Variants in KIAA1217 observed in about 807,000 individuals in gnomAD.
The protein encoded by KIAA1217 is sickle tail protein homolog.
In KIAA1217, 88 loss-of-function variants were observed where a neutral mutation model predicts 163.9. That is an observed-to-expected ratio of 0.54 (90% confidence interval 0.45 to 0.64). The LOEUF (loss-of-function observed/expected upper bound fraction) is 0.64. Among genes scored for constraint, KIAA1217 ranks in the 30% least tolerant of loss-of-function variants. The probability of loss-of-function intolerance (pLI) is 0.00; values close to 1 mark genes in which losing one functional copy is unlikely to be tolerated. For missense variants in KIAA1217, 2,372 were observed against 2,475.0 expected (o/e 0.96, Z 0.88); for synonymous variants, 903 against 923.1 (o/e 0.98, Z 0.39).
intron 1 of KIAA1217, among the ~76,000 whole-genome samples, chr10:23,705,302 T>A (rs115443605): frequency 0.017 from 2,634 of 152,246 alleles, 58 homozygotes; most frequent in African/African-American, 0.059. Context: ...TTATCTGTTT[T>A]TTTTCTTTTG....
intron 3 of KIAA1217, among the ~76,000 whole-genome samples, chr10:24,426,048 A>G (rs1415655951): frequency 7.9e-5 from 12 of 152,220 alleles, no homozygotes; most frequent in Non-Finnish European, 1.8e-4. Flanking sequence ...GGTATTGCAG[A>G]TGGTGATCTG....
At chr10:24,262,967 A>T (rs1259492175) in intron 2 of KIAA1217, among the ~76,000 whole-genome samples, 1 of 151,670 alleles carries the variant, frequency 6.6e-6, no homozygotes, top group Non-Finnish European at 1.5e-5. Flanking sequence ...AAAAAAAGAG[A>T]AAAGTATTGT....
chr10:23,724,472 T>C (rs1564368024), intron 1 of KIAA1217, among the ~76,000 whole-genome samples: 1 of 152,234 alleles, frequency 6.6e-6, no homozygotes, highest in Non-Finnish European at 1.5e-5. Flanking sequence ...GCTTAACTTT[T>C]AAATCATGCA....
chr10:24,357,144 T>G (rs1174850742), intron 2 of KIAA1217, among the ~76,000 whole-genome samples: 3 of 152,160 alleles, frequency 2.0e-5, no homozygotes, highest in Non-Finnish European at 4.4e-5. Context: ...ATGGAAACTT[T>G]CAGGGTAGAC....
chr10:24,260,758 G>T (rs768498969), intron 2 of KIAA1217, among the ~76,000 whole-genome samples: 1 of 151,840 alleles, frequency 6.6e-6, no homozygotes, highest in Non-Finnish European at 1.5e-5. Context: ...AAAAAAAGGA[G>T]AAAGATAATT....
chr10:24,046,398 G>A (rs1020229641), intron 2 of KIAA1217, among the ~76,000 whole-genome samples: 1 of 152,156 alleles, frequency 6.6e-6, no homozygotes, highest in African/African-American at 2.4e-5. Flanking sequence ...CAGACAGAGA[G>A]TGTATTAGTC....
chr10:24,075,178 T>G (rs1174167791), intron 2 of KIAA1217, among the ~76,000 whole-genome samples: 2 of 138,016 alleles, frequency 1.4e-5, no homozygotes, highest in South Asian at 2.6e-4. Context: ...CTTCCTCACA[T>G]GCTCACTACA....
chr10:23,826,889 A>C (rs1837924226), intron 1 of KIAA1217, among the ~76,000 whole-genome samples: 1 of 152,162 alleles, frequency 6.6e-6, no homozygotes, highest in Non-Finnish European at 1.5e-5. Context: ...GTTGAGAGTC[A>C]AGTCCCCTAT....
intron 1 of KIAA1217, among the ~76,000 whole-genome samples, chr10:23,745,209 C>T (rs1470081014): frequency 3.3e-5 from 5 of 152,020 alleles, no homozygotes; most frequent in African/African-American, 9.7e-5. Flanking sequence ...TTTTCCATGT[C>T]GATGTATCCC....
chr10:23,929,136 T>C (rs1843147331), intron 1 of KIAA1217, among the ~76,000 whole-genome samples: 1 of 152,016 alleles, frequency 6.6e-6, no homozygotes, highest in Non-Finnish European at 1.5e-5. Flanking sequence ...AGATGGAATG[T>C]TTATTATTAT....
intron 1 of KIAA1217, among the ~76,000 whole-genome samples, chr10:23,862,149 A>G (rs1415747400): frequency 1.3e-5 from 2 of 152,132 alleles, no homozygotes; most frequent in Non-Finnish European, 2.9e-5. Context: ...GCAGTCTAGT[A>G]TGTTCAGTGG....
intron 2 of KIAA1217, among the ~76,000 whole-genome samples, chr10:24,149,627 G>A (rs1002490994): frequency 6.6e-6 from 1 of 152,112 alleles, no homozygotes; most frequent in Non-Finnish European, 1.5e-5. Context: ...ATGGGAGAAG[G>A]ATGAAGGGAA....
intron 1 of KIAA1217, among the ~76,000 whole-genome samples, chr10:23,709,536 G>GAA (rs549194014): frequency 7.6e-6 from 1 of 131,376 alleles, no homozygotes; most frequent in African/African-American, 2.8e-5. Context: ...CTCCAAAAAA[G>GAA]AAAAAAAAAA....
At chr10:24,143,122 A>G (rs1052687250) in intron 2 of KIAA1217, among the ~76,000 whole-genome samples, 1 of 152,156 alleles carries the variant, frequency 6.6e-6, no homozygotes, top group Non-Finnish European at 1.5e-5. Flanking sequence ...GAAATAGACA[A>G]AAGAGGAGGG....
At chr10:24,005,923 C>A (rs929255543) in intron 1 of KIAA1217, among the ~76,000 whole-genome samples, 1 of 152,124 alleles carries the variant, frequency 6.6e-6, no homozygotes, top group Non-Finnish European at 1.5e-5. Flanking sequence ...GGGACCCTAT[C>A]CTCTACTCAT....
At chr10:24,313,311 T>C (rs1046608755) in intron 2 of KIAA1217, among the ~76,000 whole-genome samples, 4 of 152,190 alleles carry the variant, frequency 2.6e-5, no homozygotes, top group Admixed American at 6.5e-5. Flanking sequence ...TGAGATTGTA[T>C]TTTTATTTGT....
chr10:24,542,431 C>A, intron 17 of KIAA1217: 1 of 1,050,528 alleles, frequency 9.5e-7, no homozygotes, highest in Non-Finnish European at 1.3e-6. Context: ...CCTTTATTTT[C>A]TTCACCACTC....
At chr10:23,717,441 C>G (rs925594714) in intron 1 of KIAA1217, among the ~76,000 whole-genome samples, 1 of 152,048 alleles carries the variant, frequency 6.6e-6, no homozygotes, top group Non-Finnish European at 1.5e-5. Context: ...AGTTTTGCCA[C>G]TGGAGAACTC....
At chr10:24,245,056 A>C (rs557716429) in intron 2 of KIAA1217, among the ~76,000 whole-genome samples, 1 of 152,294 alleles carries the variant, frequency 6.6e-6, no homozygotes, top group South Asian at 2.1e-4. Flanking sequence ...GGGAAGCATG[A>C]GGATGGTGAG....
Sources: allele counts gnomAD v4.1 joint callset (sites outside exome capture counted in the v4.1 genomes callset), GRCh38; gene constraint gnomAD v4.1.1; transcripts MANE v1.5; gene names NCBI Gene and HGNC (gene_info 2026-07-23, HGNC 2026-07-21).